Variants in MAGI2 observed in about 807,000 individuals in gnomAD.
The protein encoded by MAGI2 is membrane-associated guanylate kinase, WW and PDZ domain-containing protein 2.
Under a neutral mutation model 133.3 loss-of-function variants are expected in MAGI2, and 35 were observed. The ratio of observed to expected loss-of-function variants is 0.26; its 90% CI spans 0.20 to 0.35. The LOEUF (loss-of-function observed/expected upper bound fraction) is 0.35, where lower values mean the gene tolerates loss of function less well. MAGI2 is among the 10% of genes least tolerant of loss of function. The pLI, the probability that MAGI2 is intolerant of heterozygous loss-of-function variation, is 1.00. For synonymous variants in MAGI2, 729 were observed against 710.6 expected (o/e 1.03, Z -0.41); for missense variants, 1,636 against 1,863.4 (o/e 0.88, Z 2.25).
intron 1 of MAGI2, among the ~76,000 whole-genome samples, chr7:79,129,805 G>T (rs771809848): frequency 2.0e-5 from 3 of 152,158 alleles, no homozygotes; most frequent in Non-Finnish European, 4.4e-5. Flanking sequence ...AATAATGAAA[G>T]AGGTTTCAGA....
rs1373443667 is a variant in MAGI2 at position 78,135,021 on chromosome 7, C to T, written c.3031G>A (p.Glu1011Lys). The T allele has an allele frequency of 6.2e-7, 1 of 1,613,472 alleles. No individual in the cohort carries two copies. Among genetic ancestry groups the T allele is most frequent in the Non-Finnish European group, 8.5e-7 (1 of 1,179,664 alleles). ...CTGCAAGGCTGCCTCAGGCACTCAC[C>T]CTCCTGAGGAATGATGCGAAGGGTG... ...SVTLRIIPQE[E>K]LNSPTSAPSS... The change falls in exon 17 of 22, where the codon GAG becomes AAG. Residue 1011 changes from glutamate (E) to lysine (K), a missense_variant and splice_region_variant. Around this residue, in one of 5 missense-constraint regions of MAGI2, gnomAD observed 920 missense variants for 1,093.5 expected, o/e 0.84. Coordinates refer to ENST00000354212, the MANE Select transcript of MAGI2 (RefSeq NM_012301.4).
At chr7:79,338,593 G>A (rs1840663266) in intron 1 of MAGI2, among the ~76,000 whole-genome samples, 1 of 152,078 alleles carries the variant, frequency 6.6e-6, no homozygotes, top group African/African-American at 2.4e-5. Context: ...AGCTTCTGGG[G>A]GTTCTGTGAG....
At chr7:78,587,474 C>A (rs1346310429) in intron 3 of MAGI2, among the ~76,000 whole-genome samples, 1 of 152,070 alleles carries the variant, frequency 6.6e-6, no homozygotes, top group Non-Finnish European at 1.5e-5. Flanking sequence ...TTCATTTTGT[C>A]CTATTTGTCT....
At chr7:78,126,195 T>G (rs1242737298) in intron 19 of MAGI2, among the ~76,000 whole-genome samples, 1 of 116,088 alleles carries the variant, frequency 8.6e-6, no homozygotes, top group Non-Finnish European at 2.2e-5. Flanking sequence ...AAATGTCAGG[T>G]GTGTGTGTGT....
intron 2 of MAGI2, among the ~76,000 whole-genome samples, chr7:78,995,519 TAGTC>T (rs1235366725): frequency 6.6e-6 from 1 of 152,170 alleles, no homozygotes; most frequent in Non-Finnish European, 1.5e-5. Context: ...GACTTGAAGC[TAGTC>T]AGTCAATCGA....
At chr7:78,817,467 C>T (rs571718890) in intron 2 of MAGI2, among the ~76,000 whole-genome samples, 99 of 152,218 alleles carry the variant, frequency 6.5e-4, no homozygotes, top group Middle Eastern at 3.4e-3. Context: ...AAGAGTTAAT[C>T]CATGTGGCAA....
At chr7:79,006,853 T>G in intron 2 of MAGI2, 1 of 394,526 alleles carries the variant, frequency 2.5e-6, no homozygotes, top group Non-Finnish European at 4.5e-6. Flanking sequence ...TTCAGAAATG[T>G]AAGTTAGATT....
intron 9 of MAGI2, among the ~76,000 whole-genome samples, chr7:78,303,067 G>C (rs1344416089): frequency 6.6e-6 from 1 of 152,122 alleles, no homozygotes; most frequent in Non-Finnish European, 1.5e-5. Flanking sequence ...AGAATGAATA[G>C]GGCTTGGCCT....
intron 1 of MAGI2, among the ~76,000 whole-genome samples, chr7:79,397,907 T>C (rs1206565368): frequency 1.3e-5 from 2 of 152,166 alleles, no homozygotes; most frequent in Admixed American, 1.3e-4. Context: ...ATCATATAGT[T>C]TCAAATTTTT....
intron 14 of MAGI2, 37 bp from the exon 15 acceptor site, chr7:78,168,145 T>C (rs753878786): frequency 4.3e-5 from 66 of 1,534,928 alleles, no homozygotes; most frequent in Non-Finnish European, 5.7e-5. Context: ...CATTCACATT[T>C]CAATCCTTTT....
intron 1 of MAGI2, among the ~76,000 whole-genome samples, chr7:79,416,725 CTTTTTCT>C (rs1304041112): frequency 2.0e-5 from 2 of 102,474 alleles, no homozygotes; most frequent in Non-Finnish European, 3.7e-5. Flanking sequence ...TTTTCTTTTT[CTTTTTCT>C]TTTTTTTTTT....
chr7:78,832,283 A>AT lies in MAGI2; in HGVS notation c.418+174806dup, dbSNP rs897278572. ...CTACTAAGAAAGGAAAATAATACTA[A>AT]TTTTTTTTTCATTTTGTATTCAACT... On this transcript the variant is annotated intron_variant, in intron 2 of 21. Coordinates refer to ENST00000354212, the MANE Select transcript of MAGI2 (RefSeq NM_012301.4). Among the ~76,000 whole-genome samples, 16 of 151,514 alleles carry AT rather than the reference A, an allele frequency of 1.1e-4. No individual in the cohort carries two copies. The East Asian group carries it at 1.2e-3, about 11-fold the overall frequency.
chr7:79,433,983 A>C (rs1289656923), intron 1 of MAGI2, among the ~76,000 whole-genome samples: 2 of 152,174 alleles, frequency 1.3e-5, no homozygotes, highest in Non-Finnish European at 2.9e-5. Flanking sequence ...ATAGCACATG[A>C]ATTCCATTTT....
At chr7:79,081,199 T>A (rs1231370139) in intron 1 of MAGI2, among the ~76,000 whole-genome samples, 2 of 152,072 alleles carry the variant, frequency 1.3e-5, no homozygotes, top group South Asian at 2.1e-4. Context: ...CCTGGGACAC[T>A]CTTACTCCTA....
At chr7:78,576,298 T>G (rs1802261014) in intron 3 of MAGI2, among the ~76,000 whole-genome samples, 1 of 152,240 alleles carries the variant, frequency 6.6e-6, no homozygotes, top group African/African-American at 2.4e-5. Context: ...GTTACTCATT[T>G]GTGGTATTAT....
At chr7:78,428,140 G>A (rs1799463413) in intron 6 of MAGI2, among the ~76,000 whole-genome samples, 1 of 152,264 alleles carries the variant, frequency 6.6e-6, no homozygotes, top group Admixed American at 6.5e-5. Flanking sequence ...CTAATAATGG[G>A]TACTTCAGGC....
In MAGI2 at chr7:79,024,317, T is replaced by C. The variant is rs1196138584; in HGVS notation, c.302-17111A>G. Among the ~76,000 whole-genome samples, 4 of 152,082 alleles carry C rather than the reference T, an allele frequency of 2.6e-5. No individual in the cohort carries two copies. The East Asian group carries it at 7.7e-4, about 29-fold the overall frequency. ...GATACCGGACCCCTTCCTTACACCATATACAAAAATTAACTCAAGATGGAT... is the reference window on the plus strand; with the variant it reads ...GATACCGGACCCCTTCCTTACACCACATACAAAAATTAACTCAAGATGGAT... On this transcript the variant is annotated intron_variant, in intron 1 of 21. Transcript: ENST00000354212.
intron 1 of MAGI2, among the ~76,000 whole-genome samples, chr7:79,018,104 C>T (rs906140261): frequency 6.6e-6 from 1 of 151,860 alleles, no homozygotes; most frequent in Non-Finnish European, 1.5e-5. Context: ...AAATACTACA[C>T]AAGATTCTCA....
chr7:78,854,465 A>G (rs1466425742), intron 2 of MAGI2, among the ~76,000 whole-genome samples: 1 of 152,160 alleles, frequency 6.6e-6, no homozygotes, highest in Non-Finnish European at 1.5e-5. Context: ...AAAAAATCAT[A>G]AATAAGTGTA....
Sources: allele counts gnomAD v4.1 joint callset (sites outside exome capture counted in the v4.1 genomes callset), GRCh38; gene constraint gnomAD v4.1.1; regional missense constraint gnomAD v4.1.1; transcripts MANE v1.5; gene names NCBI Gene and HGNC (gene_info 2026-07-23, HGNC 2026-07-21).